The following WWOX variants were observed in gnomAD, a reference collection of about 807,000 sequenced individuals.
WWOX encodes WW domain containing oxidoreductase.
Under a neutral mutation model 46.2 loss-of-function variants are expected in WWOX, and 69 were observed. The observed-to-expected ratio is 1.49, with a 90% CI of 1.23 to 1.82. WWOX has a LOEUF of 1.82. WWOX is among the 40% of genes most tolerant of loss of function. The probability of loss-of-function intolerance (pLI) is 0.00; values close to 1 mark genes in which losing one functional copy is unlikely to be tolerated. For synonymous variants in WWOX, 359 were observed against 202.6 expected (o/e 1.77, Z -6.56); for missense variants, 919 against 542.6 (o/e 1.69, Z -6.89).
At chr16:78,773,584 C>G (rs985185652) in intron 8 of WWOX, among the ~76,000 whole-genome samples, 2 of 152,170 alleles carry the variant, frequency 1.3e-5, no homozygotes, top group African/African-American at 4.8e-5. Flanking sequence ...ATTCATAGCT[C>G]CGCACTCGTG....
At chr16:78,855,727 G>A (rs950941095) in intron 8 of WWOX, among the ~76,000 whole-genome samples, 1 of 152,158 alleles carries the variant, frequency 6.6e-6, no homozygotes, top group Admixed American at 6.5e-5. Flanking sequence ...GGTGGAGAGA[G>A]ACGCACCACC....
intron 8 of WWOX, among the ~76,000 whole-genome samples, chr16:79,149,892 C>G (rs947546998): frequency 6.6e-6 from 1 of 152,152 alleles, no homozygotes; most frequent in African/African-American, 2.4e-5. Flanking sequence ...TAAGAGGGTT[C>G]AGATCCTTCT....
intron 5 of WWOX, among the ~76,000 whole-genome samples, chr16:78,251,455 G>A (rs1296654106): frequency 6.6e-6 from 1 of 152,092 alleles, no homozygotes; most frequent in African/African-American, 2.4e-5. Flanking sequence ...AGCATTGCCT[G>A]TTTCACTCTG....
At chr16:78,715,845 C>CT (rs2048549161) in intron 8 of WWOX, among the ~76,000 whole-genome samples, 1 of 152,116 alleles carries the variant, frequency 6.6e-6, no homozygotes, top group African/African-American at 2.4e-5. Context: ...CTGCATGTGT[C>CT]TATTTGGCAT....
At chr16:79,193,560 G>A (rs2051179099) in intron 8 of WWOX, among the ~76,000 whole-genome samples, 2 of 152,306 alleles carry the variant, frequency 1.3e-5, no homozygotes, top group South Asian at 4.2e-4. Context: ...ATGAGATTTA[G>A]TCCAGTCATC....
At chr16:78,481,955 G>A (rs1432509616) in intron 8 of WWOX, among the ~76,000 whole-genome samples, 1 of 152,052 alleles carries the variant, frequency 6.6e-6, no homozygotes, top group East Asian at 1.9e-4. Context: ...TCACATCCTT[G>A]GTTAAGGCTG....
chr16:78,598,679 G>A (rs1186271678), intron 8 of WWOX, among the ~76,000 whole-genome samples: 4 of 152,148 alleles, frequency 2.6e-5, no homozygotes, highest in Non-Finnish European at 5.9e-5. Context: ...ACTGGTTGAA[G>A]CAGGAGCATC....
At chr16:78,647,518 T>C (rs2046872219) in intron 8 of WWOX, among the ~76,000 whole-genome samples, 1 of 152,204 alleles carries the variant, frequency 6.6e-6, no homozygotes, top group Admixed American at 6.5e-5. Context: ...AGGGAATGGA[T>C]GTCTGAGGTA....
chr16:78,447,452 C>G (rs966248805), intron 8 of WWOX, among the ~76,000 whole-genome samples: 2 of 152,206 alleles, frequency 1.3e-5, no homozygotes, highest in East Asian at 3.8e-4. Flanking sequence ...GCTAAGTAAA[C>G]TGTCTTAGAT....
At chr16:78,475,745 G>A (rs13336411) in intron 8 of WWOX, among the ~76,000 whole-genome samples, 17,754 of 152,094 alleles carry the variant, frequency 0.12, 1,209 homozygotes, top group Non-Finnish European at 0.16. Flanking sequence ...ACAGGCATGT[G>A]CCACCACACC....
intron 8 of WWOX, among the ~76,000 whole-genome samples, chr16:78,550,057 G>T (rs1047559626): frequency 1.3e-5 from 2 of 152,342 alleles, no homozygotes; most frequent in South Asian, 2.1e-4. Flanking sequence ...GTTGAATGAA[G>T]TTACCTGGTA....
chr16:79,039,641 C>G (rs545241669), intron 8 of WWOX, among the ~76,000 whole-genome samples: 3 of 152,176 alleles, frequency 2.0e-5, no homozygotes, highest in Admixed American at 6.5e-5. Context: ...CCCGGCACCT[C>G]GGAAAGTAAC....
chr16:79,181,662 T>C (rs2050914441), intron 8 of WWOX, among the ~76,000 whole-genome samples: 1 of 152,188 alleles, frequency 6.6e-6, no homozygotes. Flanking sequence ...AGTTCTTTGC[T>C]TTGATAAATA....
chr16:78,921,198 C>T lies in WWOX; in HGVS notation c.1057-290410C>T, dbSNP rs148406917. ...AACACTGTAATGAGGGTATTCAAGT[C>T]TGCAGGCAAAACAGAGCTGTTTGAA... On this transcript the variant is annotated intron_variant, in intron 8 of 8. Coordinates refer to ENST00000566780, the MANE Select transcript of WWOX (RefSeq NM_016373.4). 2.8e-3 allele frequency among the ~76,000 whole-genome samples: 421 copies of T among 152,206 alleles called. 2 individuals carry two copies. Among genetic ancestry groups the T allele is most frequent in the African/African-American group, 9.7e-3 (403 of 41,534 alleles).
intron 5 of WWOX, among the ~76,000 whole-genome samples, chr16:78,375,454 A>G (rs1044267931): frequency 1.3e-5 from 2 of 152,230 alleles, no homozygotes; most frequent in Non-Finnish European, 2.9e-5. Flanking sequence ...TTCATTTTCT[A>G]AATTAAAGCC....
rs902858051 is a variant in WWOX at position 78,349,364 on chromosome 16, A to C, written c.517-37496A>C. On this transcript the variant is annotated intron_variant, in intron 5 of 8. Transcript: ENST00000566780. ...TACGGGTTAGGTCTTCAGCATATGA[A>C]TTTTGGGGAAACAGAATCCAGCTAA... 2.5e-5 allele frequency among the ~76,000 whole-genome samples: 3 copies of C among 121,106 alleles called. 1 individual carries two copies. The allele number at this position is 121,106 out of a possible 152,430, so 79.5% of individuals were successfully genotyped here.
chr16:78,393,098 C>T (rs1203802865), intron 6 of WWOX, among the ~76,000 whole-genome samples: 1 of 152,132 alleles, frequency 6.6e-6, no homozygotes, highest in African/African-American at 2.4e-5. Context: ...AACTGCATTC[C>T]TGGAGAGGAG....
chr16:79,031,874 A>ATC (rs1390183511), intron 8 of WWOX, among the ~76,000 whole-genome samples: 6 of 137,866 alleles, frequency 4.4e-5, no homozygotes, highest in African/African-American at 1.1e-4. Context: ...ATAGATATCT[A>ATC]TATACAGATA....
intron 8 of WWOX, among the ~76,000 whole-genome samples, chr16:79,176,518 C>T (rs1384597178): frequency 6.6e-6 from 1 of 152,194 alleles, no homozygotes; most frequent in Non-Finnish European, 1.5e-5. Flanking sequence ...GTTTTCTCCC[C>T]ATTAGCATCT....
Sources: allele counts gnomAD v4.1 joint callset (sites outside exome capture counted in the v4.1 genomes callset), GRCh38; gene constraint gnomAD v4.1.1; transcripts MANE v1.5; gene names NCBI Gene and HGNC (gene_info 2026-07-23, HGNC 2026-07-21).